Variants in MEMO1 observed in about 807,000 individuals in gnomAD.
MEMO1 encodes mediator of cell motility 1.
Under a neutral mutation model 45.2 loss-of-function variants are expected in MEMO1, and 6 were observed. The ratio of observed to expected loss-of-function variants is 0.13; its 90% CI spans 0.07 to 0.26. The LOEUF (loss-of-function observed/expected upper bound fraction) is 0.26, where lower values mean the gene tolerates loss of function less well. MEMO1 is among the 10% of genes least tolerant of loss of function. The pLI is 1.00. For missense variants in MEMO1, 184 were observed against 370.5 expected, an observed-to-expected ratio of 0.50 and a Z score of 4.13; for synonymous variants, 78 against 124.3, an observed-to-expected ratio of 0.63 and a Z score of 2.48.
chr2:31,881,953 T>A (rs972465319), intron 8 of MEMO1, among the ~76,000 whole-genome samples: 2 of 152,146 alleles, frequency 1.3e-5, no homozygotes, highest in African/African-American at 4.8e-5. Flanking sequence ...GAGACCAGCC[T>A]GGGCAACATG....
chr2:31,913,096 G>C (rs1238032176), intron 6 of MEMO1, among the ~76,000 whole-genome samples: 2 of 151,492 alleles, frequency 1.3e-5, no homozygotes, highest in Non-Finnish European at 2.9e-5. Context: ...GGCCAACAAG[G>C]TCTACTAAAA....
chr2:31,949,596 A>G (rs1199610112), intron 2 of MEMO1, among the ~76,000 whole-genome samples: 1 of 147,504 alleles, frequency 6.8e-6, no homozygotes, highest in Non-Finnish European at 1.5e-5. Flanking sequence ...AGAGGCTGGG[A>G]AGAGTATTGG....
chr2:31,983,394 C>A (rs933166522), intron 2 of MEMO1, among the ~76,000 whole-genome samples: 7 of 152,118 alleles, frequency 4.6e-5, no homozygotes, highest in Admixed American at 4.6e-4. Context: ...CAGTGATACC[C>A]AGTAGCCATT....
intron 6 of MEMO1, among the ~76,000 whole-genome samples, chr2:31,910,582 C>T (rs541877425): frequency 5.9e-5 from 9 of 152,220 alleles, no homozygotes; most frequent in East Asian, 1.9e-4. Flanking sequence ...AGTTGTTAGC[C>T]GGGTGCAGTG....
At chr2:31,978,524 C>A (rs1404529839) in intron 2 of MEMO1, among the ~76,000 whole-genome samples, 3 of 152,246 alleles carry the variant, frequency 2.0e-5, no homozygotes, top group Non-Finnish European at 4.4e-5. Flanking sequence ...TCATAGCTCA[C>A]TGAGCTTACA....
intron 7 of MEMO1, among the ~76,000 whole-genome samples, chr2:31,884,751 A>T (rs2147950459): frequency 6.6e-6 from 1 of 152,226 alleles, no homozygotes; most frequent in South Asian, 2.1e-4. Context: ...TAACATAATT[A>T]CTCAATGTAG....
At chr2:31,881,020 T>A (rs1675278128) in intron 8 of MEMO1, among the ~76,000 whole-genome samples, 1 of 150,346 alleles carries the variant, frequency 6.7e-6, no homozygotes, top group African/African-American at 2.5e-5. Context: ...GGAGACACTG[T>A]CTCACAAAAA....
chr2:31,933,345 A>C (rs1333031388), intron 3 of MEMO1, among the ~76,000 whole-genome samples: 1 of 34,088 alleles, frequency 2.9e-5, no homozygotes, highest in Non-Finnish European at 5.2e-5. Flanking sequence ...AAAAAAAAAA[A>C]AAAATTTATA....
chr2:31,875,706 G>C (rs963739480), intron 8 of MEMO1, among the ~76,000 whole-genome samples: 3 of 151,510 alleles, frequency 2.0e-5, no homozygotes, highest in African/African-American at 7.3e-5. Context: ...TTCTTTTTGA[G>C]ACAGAGTCTC....
intron 6 of MEMO1, among the ~76,000 whole-genome samples, chr2:31,901,448 A>G (rs1179956647): frequency 6.6e-6 from 1 of 151,890 alleles, no homozygotes; most frequent in East Asian, 1.9e-4. Context: ...TCTCAAAAAC[A>G]GTATCCTAAG....
intron 5 of MEMO1, among the ~76,000 whole-genome samples, chr2:31,920,337 C>G (rs1354459306): frequency 6.6e-6 from 1 of 151,996 alleles, no homozygotes; most frequent in Non-Finnish European, 1.5e-5. Context: ...TTATATAGCA[C>G]CTTTCTTTCA....
intron 8 of MEMO1, among the ~76,000 whole-genome samples, chr2:31,882,272 G>T (rs555104087): frequency 6.6e-6 from 1 of 152,218 alleles, no homozygotes; most frequent in Admixed American, 6.5e-5. Flanking sequence ...GAGCTATGAT[G>T]TGCCACTGCA....
intron 2 of MEMO1, among the ~76,000 whole-genome samples, chr2:31,973,397 T>C (rs545502827): frequency 6.6e-6 from 1 of 151,572 alleles, no homozygotes; most frequent in Non-Finnish European, 1.5e-5. Context: ...GAGGTTGCAG[T>C]GAGCCAAGAT....
chr2:31,964,559 G>C (rs753343379), intron 2 of MEMO1, among the ~76,000 whole-genome samples: 29 of 152,126 alleles, frequency 1.9e-4, no homozygotes, highest in Non-Finnish European at 3.5e-4. Flanking sequence ...AAATTAGCCA[G>C]GTGTGGTGGC....
At chr2:32,001,126 C>A (rs1276556579) in intron 2 of MEMO1, among the ~76,000 whole-genome samples, 1 of 151,112 alleles carries the variant, frequency 6.6e-6, no homozygotes, top group Non-Finnish European at 1.5e-5. Context: ...GCAAGCGCCG[C>A]CTCCCGGGTT....
intron 2 of MEMO1, among the ~76,000 whole-genome samples, chr2:31,987,270 A>G (rs1443341519): frequency 6.6e-6 from 1 of 152,222 alleles, no homozygotes; most frequent in African/African-American, 2.4e-5. Context: ...CACTGCTGGT[A>G]TTACAGGTGT....
chr2:31,987,363 T>C (rs1358916411), intron 2 of MEMO1, among the ~76,000 whole-genome samples: 1 of 152,140 alleles, frequency 6.6e-6, no homozygotes, highest in Admixed American at 6.6e-5. Context: ...CTAGGAAGGA[T>C]AGGTAGGCAT....
chr2:31,884,288 G>A (rs1166592206), intron 7 of MEMO1, among the ~76,000 whole-genome samples: 2 of 152,134 alleles, frequency 1.3e-5, no homozygotes, highest in African/African-American at 2.4e-5. Flanking sequence ...TTACTCAACT[G>A]ACTGCAACGT....
Position 31,909,392 on chromosome 2 carries a change from TAAAC to T in MEMO1, c.437+8530_437+8533del, listed in dbSNP as rs371225720. On this transcript the variant is annotated intron_variant, in intron 6 of 9. Coordinates refer to ENST00000404530, the MANE Select transcript of MEMO1 (RefSeq NM_001301833.4). Reference sequence around the variant, plus strand: ...CTCCACCAAAAACCCTAAGATCTGATAAACAAAATCAGTAAAGCTGCAGGATACA... The same window carrying T: ...CTCCACCAAAAACCCTAAGATCTGATAAAATCAGTAAAGCTGCAGGATACA... Among the ~76,000 whole-genome samples the T allele has an allele frequency of 3.1e-3, 471 of 152,292 alleles. 2 individuals carry two copies. Among genetic ancestry groups the T allele is most frequent in the African/African-American group, 0.011 (442 of 41,554 alleles).
Sources: allele counts gnomAD v4.1 joint callset (sites outside exome capture counted in the v4.1 genomes callset), GRCh38; gene constraint gnomAD v4.1.1; transcripts MANE v1.5; gene names NCBI Gene and HGNC (gene_info 2026-07-23, HGNC 2026-07-21).